CD163L1: variants seen among roughly 807,000 people sequenced by gnomAD.
CD163L1 encodes CD163 molecule like 1, also known as scavenger receptor cysteine-rich type 1 protein M160.
CD163L1 carries 124 observed loss-of-function variants against 165.4 expected under a neutral mutation model. That is an observed-to-expected ratio of 0.75 (90% CI 0.65 to 0.87). The LOEUF (loss-of-function observed/expected upper bound fraction) is 0.87. CD163L1 is among the 40% of genes least tolerant of loss of function. CD163L1 has a pLI of 0.00. For missense variants in CD163L1, 1,525 were observed against 1,799.9 expected, an observed-to-expected ratio of 0.85 and a Z score of 2.76; for synonymous variants, 585 against 662.2, an observed-to-expected ratio of 0.88 and a Z score of 1.79.
chr12:7,432,363 AC>A lies in CD163L1; in HGVS notation c.766+52del. 1 of 1,348,984 alleles carries A rather than the reference AC, an allele frequency of 7.4e-7. No homozygotes were observed. Among genetic ancestry groups the A allele is most frequent in the Non-Finnish European group, 1.0e-6 (1 of 966,086 alleles). 83.6% of individuals were successfully genotyped at this position (1,348,984 alleles called of 1,614,324 possible). On this transcript the variant is annotated intron_variant, in intron 4 of 19. Transcript: ENST00000313599. This position sits in a 1 kb window ranked among gnomAD's most constrained non-coding sequence, Gnocchi z 4.2. ...GATTGACCTTTTTCTTTCCATACAT[AC>A]TGTTTCTAAACAAATTGTTCCTTTC...
chr12:7,427,158 T>C, intron 4 of CD163L1, among the ~76,000 whole-genome samples: 1 of 150,562 alleles, frequency 6.6e-6, no homozygotes, highest in Non-Finnish European at 1.5e-5. Flanking sequence ...AGAAAATCAA[T>C]AAGGAAATAG....
intron 6 of CD163L1, among the ~76,000 whole-genome samples, chr12:7,402,402 A>G (rs1947931083): frequency 1.3e-5 from 2 of 152,004 alleles, no homozygotes; most frequent in South Asian, 4.2e-4. Context: ...TTACAAGAAC[A>G]TCATTCTTCA....
chr12:7,402,379 G>A (rs952837849), intron 6 of CD163L1, among the ~76,000 whole-genome samples: 13 of 151,996 alleles, frequency 8.6e-5, no homozygotes, highest in Non-Finnish European at 1.5e-4. Context: ...TTGTGTGTGT[G>A]TGTGTGTTTC....
intron 9 of CD163L1, among the ~76,000 whole-genome samples, chr12:7,376,867 A>G (rs1410863237): frequency 6.6e-6 from 1 of 152,136 alleles, no homozygotes; most frequent in Non-Finnish European, 1.5e-5. Flanking sequence ...CCCTGTTTCT[A>G]TAATTATTCC....
rs753263903 is a variant in CD163L1, at chr12:7,374,596, G to A, written c.3255C>T (p.Ala1085=). 4 of 1,614,086 alleles carry A rather than the reference G, an allele frequency of 2.5e-6. No homozygotes were observed. In the African/African-American group the frequency reaches 5.3e-5, roughly 22 times the overall value. The change falls in exon 13 of 20, where the codon GCC becomes GCT. Residue 1085 remains alanine (A), a synonymous_variant. Transcript: ENST00000313599. This position sits in a 1 kb window ranked among gnomAD's most constrained non-coding sequence, Gnocchi z 5.4. ...CCTCCCCAAAGTGAGCAGAGACCGT[G>A]GCATTGAAGGCCACTCCACAGCCCA... ...QKLGCGVAFN[A]TVSAHFGEGS...
At position 7,373,483 on chromosome 12, in the gene CD163L1, A is replaced by C. The variant is rs1197410493; in HGVS notation, c.3567T>G (p.Asn1189Lys). 3.7e-6 allele frequency: 6 copies of C among 1,614,062 alleles called. No homozygotes were observed. Among genetic ancestry groups the C allele is most frequent in the Non-Finnish European group, 5.1e-6 (6 of 1,180,028 alleles). The change falls in exon 14 of 20, where the codon AAT becomes AAG. Residue 1189 changes from asparagine (N) to lysine (K), a missense_variant. By Grantham distance (94) the Asn-to-Lys change is moderately conservative. Transcript: ENST00000313599. ...ATAAAGGGGCGAGGCTGACAACTCCATTCTCCCCACAGCCCAGCTGCCTGC... is the reference window on the plus strand; with the variant it reads ...ATAAAGGGGCGAGGCTGACAACTCCCTTCTCCCCACAGCCCAGCTGCCTGC... Reference protein sequence around the residue: ...IVCRQLGCGENGVVSLAPLSK... With the variant: ...IVCRQLGCGEKGVVSLAPLSK...
downstream of CD163L1, among the ~76,000 whole-genome samples, chr12:7,353,836 G>T (rs187167833): frequency 2.0e-4 from 31 of 152,002 alleles, no homozygotes; most frequent in African/African-American, 7.5e-4. Flanking sequence ...CTTTATTTTA[G>T]TGTAGGTATC....
chr12:7,403,894 G>C (rs981625016), intron 5 of CD163L1, 39 bp from the exon 6 acceptor site: 2 of 1,571,236 alleles, frequency 1.3e-6, no homozygotes, highest in Non-Finnish European at 1.7e-6. Flanking sequence ...AATTGGGTTT[G>C]GGACAATATC....
At position 7,396,257 on chromosome 12, in the gene CD163L1, T is replaced by C. The variant is rs371041007; in HGVS notation, c.1888A>G (p.Ile630Val). 1.9e-5 allele frequency: 31 copies of C among 1,614,086 alleles called. No homozygotes were observed. Among genetic ancestry groups the C allele is most frequent in the East Asian group, 6.7e-5 (3 of 44,898 alleles). Residue 630 changes from isoleucine (I) to valine (V), a missense_variant, in exon 8 of 20, where the codon ATC (isoleucine) becomes GTC (valine). Ile to Val is a conservative substitution (Grantham distance 29). Transcript: ENST00000313599. ...VCSQLDCPSS[I>V]IGMGLGNAST... Reference sequence around the variant, plus strand: ...GCGTTTCCCAGACCCATGCCAATGATAGAAGATGGGCAGTCCAGCTGGCTA... The same window carrying C: ...GCGTTTCCCAGACCCATGCCAATGACAGAAGATGGGCAGTCCAGCTGGCTA...
chr12:7,356,778 T>C (rs774558463), intron 19 of CD163L1, among the ~76,000 whole-genome samples: 3 of 152,292 alleles, frequency 2.0e-5, no homozygotes, highest in African/African-American at 7.2e-5. Context: ...ACTTTGATTT[T>C]AGTTATTTGT....
At chr12:7,342,160 C>T (rs1946641716), downstream of CD163L1, among the ~76,000 whole-genome samples, 1 of 152,194 alleles carries the variant, frequency 6.6e-6, no homozygotes, top group Non-Finnish European at 1.5e-5. Context: ...TGGCCATAAA[C>T]AAAATCTCTG....
the CD163L1 span, among the ~76,000 whole-genome samples, chr12:7,324,881 T>C: frequency 6.6e-6 from 1 of 152,062 alleles, no homozygotes; most frequent in South Asian, 2.1e-4. Context: ...AGTACTTAAG[T>C]ACAGCCACAT....
At chr12:7,380,104 G>A (rs1947353773) in intron 8 of CD163L1, among the ~76,000 whole-genome samples, 1 of 151,940 alleles carries the variant, frequency 6.6e-6, no homozygotes, top group Non-Finnish European at 1.5e-5. Flanking sequence ...TAAAAGCAGA[G>A]CTACCATTTG....
chr12:7,398,710 G>T lies in CD163L1; in HGVS notation c.1409-126C>A. On this transcript the variant is annotated intron_variant, in intron 6 of 19. Transcript: ENST00000313599. The surrounding 1 kb of genome is among the most constrained non-coding windows in gnomAD (Gnocchi z 4.5). ...CAGGTGATATATTAGGCACACTTTT[G>T]AATGAAAAGTTTGGTTTTCTTTCTT... is the stretch of plus-strand genomic sequence containing the variant. The T allele has an allele frequency of 1.4e-6, 1 of 721,410 alleles. No homozygotes were observed. Among genetic ancestry groups the T allele is most frequent in the Admixed American group, 3.8e-5 (1 of 26,050 alleles). 44.7% of individuals were successfully genotyped at this position (721,410 alleles called of 1,614,324 possible).
At chr12:7,393,149 T>C (rs878905082) in intron 8 of CD163L1, among the ~76,000 whole-genome samples, 3 of 152,154 alleles carry the variant, frequency 2.0e-5, no homozygotes, top group Admixed American at 6.5e-5. Flanking sequence ...ATAACCCTAA[T>C]GAACATCGAT....
At chr12:7,434,572 T>G (rs182612672) in intron 2 of CD163L1, among the ~76,000 whole-genome samples, 4 of 152,030 alleles carry the variant, frequency 2.6e-5, no homozygotes, top group Non-Finnish European at 4.4e-5. Flanking sequence ...TATGGTGAAT[T>G]CTGTGCATAT....
intron 8 of CD163L1, among the ~76,000 whole-genome samples, chr12:7,381,722 CATAT>C (rs1355036867): frequency 6.6e-6 from 1 of 151,904 alleles, no homozygotes; most frequent in African/African-American, 2.4e-5. Context: ...GGAGAATAAA[CATAT>C]ATATCTTGTA....
chr12:7,390,180 G>C (rs1394503967), intron 8 of CD163L1, among the ~76,000 whole-genome samples: 1 of 151,766 alleles, frequency 6.6e-6, no homozygotes, highest in Non-Finnish European at 1.5e-5. Flanking sequence ...ATAGTTACCA[G>C]AGGCTGGGAA....
Position 7,367,956 on chromosome 12 carries a change from G to A in CD163L1, c.4183+131C>T, listed in dbSNP as rs1331774175. 6.3e-6 allele frequency: 4 copies of A among 638,736 alleles called. 1 individual carries two copies. Among genetic ancestry groups the A allele is most frequent in the South Asian group, 3.9e-5 (2 of 51,476 alleles). The allele number at this position is 638,736 out of a possible 1,614,324, so 39.6% of individuals were successfully genotyped here. A position where few individuals can be genotyped will look rare whatever the true frequency, so the allele number is the denominator to read the frequency against. On this transcript the variant is annotated intron_variant, in intron 17 of 19. Coordinates refer to ENST00000313599, the MANE Select transcript of CD163L1 (RefSeq NM_174941.6). The stretch of plus-strand genomic sequence containing the variant: ...GATCATTCCACATGTTTCTGCATTT[G>A]GCCTGGCACTTTCCAATCCATCTCA...
Sources: gnomAD v4.1 joint callset for allele counts (sites outside exome capture counted in the v4.1 genomes callset) on GRCh38, gnomAD v4.1.1 for gene constraint, Gnocchi (gnomAD v3.1) non-coding constraint, MANE v1.5 for transcripts, NCBI Gene and HGNC (gene_info 2026-07-23, HGNC 2026-07-21) for gene names.